ANKS1B: variants seen among roughly 807,000 people sequenced by gnomAD.
ANKS1B encodes the protein ankyrin repeat and sterile alpha motif domain containing 1B.
ANKS1B carries 36 observed loss-of-function variants against 148.3 expected under a neutral mutation model. The observed-to-expected ratio is 0.24, with a 90% CI of 0.19 to 0.32. ANKS1B has a LOEUF of 0.32. ANKS1B is among the 10% of genes least tolerant of loss of function. The pLI is 1.00. For synonymous variants in ANKS1B, 542 were observed against 560.8 expected (o/e 0.97, Z 0.47); for missense variants, 1,157 against 1,542.6 (o/e 0.75, Z 4.19).
chr12:99,750,060 T>C (rs907418785), intron 8 of ANKS1B, among the ~76,000 whole-genome samples: 19 of 152,208 alleles, frequency 1.2e-4, no homozygotes, highest in African/African-American at 4.1e-4. Context: ...TATCTCACAG[T>C]TGAATTTTGT....
At chr12:99,777,621 G>A (rs1342817061) in intron 6 of ANKS1B, among the ~76,000 whole-genome samples, 2 of 152,078 alleles carry the variant, frequency 1.3e-5, no homozygotes, top group Non-Finnish European at 2.9e-5. Context: ...GTCTCGCTCT[G>A]TTGCTCAGGC....
chr12:99,536,587 C>T (rs1468930199), intron 9 of ANKS1B, among the ~76,000 whole-genome samples: 1 of 151,836 alleles, frequency 6.6e-6, no homozygotes, highest in Non-Finnish European at 1.5e-5. Context: ...GCTATTAGAC[C>T]TACTCTATAA....
chr12:99,320,132 C>G (rs1392958588), intron 12 of ANKS1B, among the ~76,000 whole-genome samples: 3 of 152,060 alleles, frequency 2.0e-5, no homozygotes, highest in African/African-American at 7.2e-5. Flanking sequence ...ATATTTTTTC[C>G]TTCATTTCAA....
At chr12:99,921,873 T>C (rs1248127355) in intron 1 of ANKS1B, among the ~76,000 whole-genome samples, 1 of 152,172 alleles carries the variant, frequency 6.6e-6, no homozygotes, top group Non-Finnish European at 1.5e-5. Context: ...TAAACTTTTT[T>C]TTTTACTTCG....
chr12:99,781,978 T>A, intron 5 of ANKS1B, 44 bp downstream of exon 5: 1 of 1,492,456 alleles, frequency 6.7e-7, no homozygotes, highest in Non-Finnish European at 9.1e-7. Flanking sequence ...AAAATAGAAA[T>A]GTTATCTGTC....
Position 99,080,418 on chromosome 12 carries a change from A to G in ANKS1B, c.2625+4507T>C, listed in dbSNP as rs2049297256. ...GAGCAAAGGAAATGGGGAGACGTTG[A>G]GTATAGACAACTACTAAGTAATTCC... On this transcript the variant is annotated intron_variant, in intron 16 of 26. Transcript: ENST00000683438. Among the ~76,000 whole-genome samples, 3 of 152,350 alleles carry G rather than the reference A, an allele frequency of 2.0e-5. No homozygotes were observed. In the South Asian group the frequency reaches 6.2e-4, roughly 32 times the overall value.
intron 17 of ANKS1B, among the ~76,000 whole-genome samples, chr12:98,860,821 A>G (rs1427005311): frequency 6.6e-6 from 1 of 152,228 alleles, no homozygotes; most frequent in African/African-American, 2.4e-5. Context: ...AACATGGCAC[A>G]CGTTTACCTA....
intron 11 of ANKS1B, among the ~76,000 whole-genome samples, chr12:99,418,512 G>A (rs1317416672): frequency 6.6e-6 from 1 of 152,132 alleles, no homozygotes; most frequent in Non-Finnish European, 1.5e-5. Flanking sequence ...TTAGTCACAG[G>A]AGTGCTGTTT....
intron 24 of ANKS1B, among the ~76,000 whole-genome samples, chr12:98,780,471 C>T (rs182376560): frequency 1.2e-4 from 18 of 152,290 alleles, no homozygotes; most frequent in Middle Eastern, 3.4e-3. Context: ...CCACTGACCA[C>T]GCTTGACATC....
At chr12:99,893,797 T>C (rs372381291) in intron 1 of ANKS1B, among the ~76,000 whole-genome samples, 3 of 152,304 alleles carry the variant, frequency 2.0e-5, no homozygotes, top group South Asian at 2.1e-4. Flanking sequence ...GCTGCAACCA[T>C]GTTGCCTCAA....
intron 19 of ANKS1B, among the ~76,000 whole-genome samples, chr12:98,827,486 A>G (rs1436880053): frequency 1.3e-5 from 2 of 152,120 alleles, no homozygotes; most frequent in Non-Finnish European, 2.9e-5. Context: ...CATTTTCTCA[A>G]GGCAAGACAA....
At chr12:99,103,615 A>G (rs189623570) in intron 15 of ANKS1B, among the ~76,000 whole-genome samples, 5 of 152,294 alleles carry the variant, frequency 3.3e-5, no homozygotes, top group Admixed American at 1.3e-4. Flanking sequence ...CAACCTATCA[A>G]TCGTCATGAT....
intron 19 of ANKS1B, among the ~76,000 whole-genome samples, chr12:98,818,569 C>A (rs1412663493): frequency 7.2e-5 from 11 of 152,130 alleles, no homozygotes; most frequent in Non-Finnish European, 1.3e-4. Flanking sequence ...TTTACTTGTT[C>A]TACCTCAAAG....
intron 4 of ANKS1B, among the ~76,000 whole-genome samples, chr12:99,797,152 GATTA>G (rs1404203972): frequency 6.6e-6 from 1 of 151,830 alleles, no homozygotes; most frequent in Non-Finnish European, 1.5e-5. Flanking sequence ...TCAAAATATA[GATTA>G]ATTTTGTAAT....
chr12:99,415,636 C>T (rs1476265320), intron 11 of ANKS1B, among the ~76,000 whole-genome samples: 3 of 152,148 alleles, frequency 2.0e-5, no homozygotes, highest in African/African-American at 4.8e-5. Context: ...AGTGCAACAT[C>T]GTAAAAAGGA....
intron 12 of ANKS1B, among the ~76,000 whole-genome samples, chr12:99,327,596 C>G (rs1050962389): frequency 6.7e-6 from 1 of 148,234 alleles, no homozygotes; most frequent in Non-Finnish European, 1.5e-5. Context: ...TTAAGCAACG[C>G]ATGACTCTGT....
intron 14 of ANKS1B, among the ~76,000 whole-genome samples, chr12:99,174,627 T>C (rs1467610937): frequency 6.6e-6 from 1 of 152,042 alleles, no homozygotes; most frequent in Non-Finnish European, 1.5e-5. Flanking sequence ...CTTGAACCAT[T>C]TGGAGTCTGA....
rs375927632 is a variant in ANKS1B at position 99,517,353 on chromosome 12, T to C, written c.1273-12712A>G. 1.3e-4 allele frequency among the ~76,000 whole-genome samples: 19 copies of C among 146,006 alleles called. No homozygotes were observed. The East Asian group carries it at 2.9e-3, about 22-fold the overall frequency. On this transcript the variant is annotated intron_variant, in intron 9 of 26. Transcript: ENST00000683438. ...AGAAATGCTACTGATTTTTGTATGT[T>C]GATTTTGTATCCTGACACTACTAAA...
intron 17 of ANKS1B, among the ~76,000 whole-genome samples, chr12:99,026,387 T>C (rs2099948772): frequency 6.6e-6 from 1 of 152,148 alleles, no homozygotes; most frequent in Non-Finnish European, 1.5e-5. Flanking sequence ...CTCTAGGTTC[T>C]AGACTCTGGT....
Sources: allele counts gnomAD v4.1 joint callset (sites outside exome capture counted in the v4.1 genomes callset), GRCh38; gene constraint gnomAD v4.1.1; transcripts MANE v1.5; gene names NCBI Gene and HGNC (gene_info 2026-07-23, HGNC 2026-07-21).